Variants in PLPPR3 observed in about 807,000 individuals in gnomAD.
The protein encoded by PLPPR3 is phospholipid phosphatase-related protein type 3.
PLPPR3 carries 14 observed loss-of-function variants against 27.3 expected under a neutral mutation model. That is an observed-to-expected ratio of 0.51 (90% confidence interval 0.34 to 0.80). The LOEUF (loss-of-function observed/expected upper bound fraction) is 0.80. Ranked by LOEUF, PLPPR3 falls within the 30% of genes least tolerant of loss-of-function variation. The probability of loss-of-function intolerance (pLI) is 0.01; values close to 1 mark genes in which losing one functional copy is unlikely to be tolerated. For missense variants in PLPPR3, 1,287 were observed against 1,056.9 expected, an observed-to-expected ratio of 1.22 and a Z score of -3.02; for synonymous variants, 671 against 508.0, an observed-to-expected ratio of 1.32 and a Z score of -4.32.
In PLPPR3 at chr19:813,448, C is replaced by T. The variant is rs1238675151; in HGVS notation, c.1279G>A (p.Ala427Thr). ...EGRGLGLPDD[A>T]SPGHLRAPAE... ...GGCGCGCGCAGGTGCCCGGGGCTGGCGTCGTCGGGCAGCCCCAGGCCGCGG... is the reference window on the plus strand; with the variant it reads ...GGCGCGCGCAGGTGCCCGGGGCTGGTGTCGTCGGGCAGCCCCAGGCCGCGG... Residue 427 changes from alanine (A) to threonine (T), a missense_variant, in exon 8 of 8, where the codon GCC (alanine) becomes ACC (threonine). Physicochemically the swap from Ala to Thr is moderately conservative, Grantham distance 58. Coordinates refer to ENST00000520876, the MANE Select transcript of PLPPR3 (RefSeq NM_001270366.2). The surrounding 1 kb of genome is among the most constrained non-coding windows in gnomAD (Gnocchi z 4.1). 3 of 1,527,244 alleles carry T rather than the reference C, an allele frequency of 2.0e-6. No homozygotes were observed. The highest frequency in any genetic ancestry group is 5.0e-5 in the East Asian group (2 of 40,236). 94.6% of individuals were successfully genotyped at this position (1,527,244 alleles called of 1,614,324 possible).
At position 816,133 on chromosome 19, in the gene PLPPR3, C is replaced by T. The variant is rs1293993164; in HGVS notation, c.76-282G>A. Reference sequence around the variant, plus strand: ...ACCGACCCATCACCCACCCATCCATCCACTGGGAACCATCCATCCATTCAT... The same window carrying T: ...ACCGACCCATCACCCACCCATCCATTCACTGGGAACCATCCATCCATTCAT... On this transcript the variant is annotated intron_variant, in intron 2 of 7. Coordinates refer to ENST00000520876, the MANE Select transcript of PLPPR3 (RefSeq NM_001270366.2). Among the ~76,000 whole-genome samples the T allele has an allele frequency of 2.6e-5, 4 of 152,042 alleles. No homozygotes were observed. The South Asian group carries it at 6.2e-4, about 24-fold the overall frequency.
chr19:821,607 T>C (rs542973455), intron 1 of PLPPR3, 22 bp from the exon 2 acceptor site: 1 of 1,269,712 alleles, frequency 7.9e-7, no homozygotes, highest in Non-Finnish European at 1.0e-6. Flanking sequence ...AAAGCGGCGC[T>C]GGAGGGGGGC....
chr19:820,833 A>G (rs749376423), intron 2 of PLPPR3, among the ~76,000 whole-genome samples: 29 of 148,936 alleles, frequency 1.9e-4, no homozygotes, highest in Non-Finnish European at 4.3e-4. Flanking sequence ...TAATTTTTGT[A>G]TTTTTAATGG....
chr19:821,859 G>C (rs1197188304), intron 1 of PLPPR3, 56 bp downstream of exon 1: 1 of 281,452 alleles, frequency 3.6e-6, no homozygotes, highest in South Asian at 1.4e-4. Flanking sequence ...GGGAGAACTG[G>C]GGTTCCGGGC....
At position 815,175 on chromosome 19, in the gene PLPPR3, C is replaced by A; in HGVS notation, c.403+11G>T. The A allele has an allele frequency of 6.2e-7, 1 of 1,602,816 alleles. No homozygotes were observed. The highest frequency in any genetic ancestry group is 8.5e-7 in the Non-Finnish European group (1 of 1,178,850). ...AGGTAGCTCAGGGTCGGGGCGCGTC[C>A]CGCAACTCACCCACAAACCGCACCG... On this transcript the variant is annotated intron_variant, in intron 4 of 7. Transcript: ENST00000520876.
chr19:823,454 A>AC (rs1568289365), upstream of PLPPR3, among the ~76,000 whole-genome samples: 41 of 150,370 alleles, frequency 2.7e-4, no homozygotes, highest in Middle Eastern at 3.4e-3. Context: ...AAAAAAAAAA[A>AC]AAAACAAACA....
rs1351659318 is a variant in PLPPR3, at chr19:812,970, T to C, written c.1757A>G (p.His586Arg). 2.0e-6 allele frequency: 3 copies of C among 1,483,486 alleles called. No homozygotes were observed. The highest frequency in any genetic ancestry group is 2.9e-5 in the East Asian group (1 of 34,094). The allele number at this position is 1,483,486 out of a possible 1,614,324, so 91.9% of individuals were successfully genotyped here. A position where few individuals can be genotyped will look rare whatever the true frequency, so the allele number is the denominator to read the frequency against. Reference sequence around the variant, plus strand: ...GTGCACCACGGGGTGGTGCGGCGCGTGCGCGTCGATGGTCACGATGCTGGC... The same window carrying C: ...GTGCACCACGGGGTGGTGCGGCGCGCGCGCGTCGATGGTCACGATGCTGGC... ...DSASIVTIDAHAPHHPVVHLS... is the reference protein window; with the variant it reads ...DSASIVTIDARAPHHPVVHLS... The change falls in exon 8 of 8, where the codon CAC becomes CGC. Residue 586 changes from histidine to arginine, a missense_variant. His to Arg is a conservative substitution (Grantham distance 29, BLOSUM62 0). Transcript: ENST00000520876.
Position 813,143 on chromosome 19 carries a change from C to T in PLPPR3, c.1584G>A (p.Ala528=), listed in dbSNP as rs1167454322. The change falls in exon 8 of 8, where the codon GCG becomes GCA. Residue 528 remains alanine, a synonymous_variant. Coordinates refer to ENST00000520876, the MANE Select transcript of PLPPR3 (RefSeq NM_001270366.2). The surrounding 1 kb of genome is among the most constrained non-coding windows in gnomAD (Gnocchi z 4.1). The stretch of plus-strand genomic sequence containing the variant: ...GCAGCCGCGGAGGGTTGGCCACTGC[C>T]GCCCCGCTCTTCTCGGCCATCATGA... ...KWLMMAEKSG[A]AVANPPRLLQ... is the part of the protein sequence containing the mutation. 1 of 1,520,168 alleles carries T rather than the reference C, an allele frequency of 6.6e-7. No homozygotes were observed. Among genetic ancestry groups the T allele is most frequent in the Admixed American group, 2.0e-5 (1 of 48,906 alleles). 94.2% of individuals were successfully genotyped at this position (1,520,168 alleles called of 1,614,324 possible). A position where few individuals can be genotyped will look rare whatever the true frequency, so the allele number is the denominator to read the frequency against.
rs971309636 is a variant in PLPPR3 at position 813,339 on chromosome 19, G to A, written c.1388C>T (p.Pro463Leu). 7 of 1,472,812 alleles carry A rather than the reference G, an allele frequency of 4.8e-6. No homozygotes were observed. The highest frequency in any genetic ancestry group is 6.2e-6 in the Non-Finnish European group (7 of 1,121,380). 91.2% of individuals were successfully genotyped at this position (1,472,812 alleles called of 1,614,324 possible). A position where few individuals can be genotyped will look rare whatever the true frequency, so the allele number is the denominator to read the frequency against. Residue 463 changes from proline to leucine, a missense_variant, in exon 8 of 8, where the codon CCG (proline) becomes CTG (leucine). By Grantham distance (98) the Pro-to-Leu change is moderately conservative. Transcript: ENST00000520876. The surrounding 1 kb of genome is among the most constrained non-coding windows in gnomAD (Gnocchi z 4.1). ...EEEEEEEDEG[P>L]APPSLYPTVQ... ...GGTGGGGTAGAGCGAGGGCGGGGCCGGGCCCTCGTCCTCCTCCTCTTCCTC... is the reference window on the plus strand; with the variant it reads ...GGTGGGGTAGAGCGAGGGCGGGGCCAGGCCCTCGTCCTCCTCCTCTTCCTC...
At position 813,862 on chromosome 19, in the gene PLPPR3, G is replaced by A. The variant is rs916855339; in HGVS notation, c.865C>T (p.Pro289Ser). Reference sequence around the variant, plus strand: ...GCCGGGGCCGCGGGCTTCTCTGCAGGTGGGGCCTGGAAGTTGCCCACCGCG... The same window carrying A: ...GCCGGGGCCGCGGGCTTCTCTGCAGATGGGGCCTGGAAGTTGCCCACCGCG... The part of the protein sequence containing the change: ...CHAVGNFQAP[P>S]AEKPAAPAPA... Residue 289 changes from proline (P) to serine (S), a missense_variant, in exon 8 of 8, where the codon CCT (proline) becomes TCT (serine). Transcript: ENST00000520876. The surrounding 1 kb of genome is among the most constrained non-coding windows in gnomAD (Gnocchi z 4.1). 6.9e-7 allele frequency: 1 copy of A among 1,453,278 alleles called. No homozygotes were observed. Among genetic ancestry groups the A allele is most frequent in the African/African-American group, 1.5e-5 (1 of 68,690 alleles). The allele number at this position is 1,453,278 out of a possible 1,614,324, so 90.0% of individuals were successfully genotyped here.
In PLPPR3 at chr19:821,529, G is replaced by A; in HGVS notation, c.31C>T (p.Pro11Ser). Residue 11 changes from proline (P) to serine (S), a missense_variant, in exon 2 of 8, where the codon CCG (proline) becomes TCG (serine). Transcript: ENST00000520876. The part of the protein sequence containing the change: MISTKEKNKI[P>S]KDSMTLLPCF... Reference sequence around the variant, plus strand: ...GGCAGAAGCGTCATGCTGTCCTTCGGGATCTTGTTCTTCTCCTTGGTGGAG... The same window carrying A: ...GGCAGAAGCGTCATGCTGTCCTTCGAGATCTTGTTCTTCTCCTTGGTGGAG... 6.6e-7 allele frequency: 1 copy of A among 1,509,906 alleles called. No individual in the cohort carries two copies. The allele number at this position is 1,509,906 out of a possible 1,614,324, so 93.5% of individuals were successfully genotyped here. A position where few individuals can be genotyped will look rare whatever the true frequency, so the allele number is the denominator to read the frequency against.
At position 819,243 on chromosome 19, in the gene PLPPR3, C is replaced by T. The variant is rs1251022828; in HGVS notation, c.75+2242G>A. Reference sequence around the variant, plus strand: ...CTGCCCGTCCCGGCCTCCCAAAGTGCTGGGATGACAGGCGTGAGCCACTGC... The same window carrying T: ...CTGCCCGTCCCGGCCTCCCAAAGTGTTGGGATGACAGGCGTGAGCCACTGC... On this transcript the variant is annotated intron_variant, in intron 2 of 7. Transcript: ENST00000520876. Among the ~76,000 whole-genome samples, 2 of 100,726 alleles carry T rather than the reference C, an allele frequency of 2.0e-5. 1 individual carries two copies. The highest frequency in any genetic ancestry group is 9.9e-5 in the African/African-American group (2 of 20,300). 66.1% of individuals were successfully genotyped at this position (100,726 alleles called of 152,430 possible).
rs2034945291 is a variant in PLPPR3, at chr19:812,615, G to C, written c.2112C>G (p.Ala704=). 3 of 1,107,114 alleles carry C rather than the reference G, an allele frequency of 2.7e-6. No homozygotes were observed. The highest frequency in any genetic ancestry group is 1.1e-6 in the Non-Finnish European group (1 of 900,336). 68.6% of individuals were successfully genotyped at this position (1,107,114 alleles called of 1,614,324 possible). Residue 704 remains alanine (A), a synonymous_variant, in exon 8 of 8, where the codon GCC becomes GCG. Coordinates refer to ENST00000520876, the MANE Select transcript of PLPPR3 (RefSeq NM_001270366.2). ...GLAEREAEAE[A]EGYFRKMQAR... is the part of the protein sequence containing the mutation. The stretch of plus-strand genomic sequence containing the variant: ...CCTGCATCTTGCGGAAGTAGCCCTC[G>C]GCCTCCGCCTCCGCCTCGCGCTCCG...
chr19:813,904 G>A lies in PLPPR3; in HGVS notation c.832-9C>T, dbSNP rs1195503037. Reference sequence around the variant, plus strand: ...CCCACCGCGTGGCAGGCCTGTCGGGGAGAGGGGTCTGGGGGTGAGGCCTGG... The same window carrying A: ...CCCACCGCGTGGCAGGCCTGTCGGGAAGAGGGGTCTGGGGGTGAGGCCTGG... On this transcript the variant is annotated splice_polypyrimidine_tract_variant and intron_variant, in intron 7 of 7. Transcript: ENST00000520876. The surrounding 1 kb of genome is among the most constrained non-coding windows in gnomAD (Gnocchi z 4.1). The A allele has an allele frequency of 7.0e-6, 10 of 1,429,170 alleles. No homozygotes were observed. Among genetic ancestry groups the A allele is most frequent in the Non-Finnish European group, 9.1e-6 (10 of 1,098,562 alleles). The allele number at this position is 1,429,170 out of a possible 1,614,324, so 88.5% of individuals were successfully genotyped here.
chr19:823,185 T>C (rs972575818), upstream of PLPPR3, among the ~76,000 whole-genome samples: 1 of 151,724 alleles, frequency 6.6e-6, no homozygotes, highest in Admixed American at 6.6e-5. Context: ...CTCAGGCCTA[T>C]AATCCCAGCA....
chr19:812,948 C>G lies in PLPPR3; in HGVS notation c.1779G>C (p.Val593=). 7.1e-7 allele frequency: 1 copy of G among 1,401,732 alleles called. No individual in the cohort carries two copies. The highest frequency in any genetic ancestry group is 9.3e-7 in the Non-Finnish European group (1 of 1,080,670). The allele number at this position is 1,401,732 out of a possible 1,614,324, so 86.8% of individuals were successfully genotyped here. The stretch of plus-strand genomic sequence containing the variant: ...AGGGCGCGCCGCCGGCCGACAGGTG[C>G]ACCACGGGGTGGTGCGGCGCGTGCG... The part of the protein sequence containing the change: ...IDAHAPHHPV[V]HLSAGGAPWE... Residue 593 remains valine (V), a synonymous_variant, in exon 8 of 8, where the codon GTG becomes GTC. Transcript: ENST00000520876.
chr19:822,515 C>T (rs949886646), upstream of PLPPR3, among the ~76,000 whole-genome samples: 4 of 152,128 alleles, frequency 2.6e-5, no homozygotes, highest in South Asian at 2.1e-4. Flanking sequence ...GTGCCTCCCT[C>T]CCTTCCCCCC....
rs1233430139 is a variant in PLPPR3 at position 813,353 on chromosome 19, C to T, written c.1374G>A (p.Glu458=). 5 of 1,481,496 alleles carry T rather than the reference C, an allele frequency of 3.4e-6. No individual in the cohort carries two copies. The East Asian group carries it at 1.3e-4, about 38-fold the overall frequency. The allele number at this position is 1,481,496 out of a possible 1,614,324, so 91.8% of individuals were successfully genotyped here. A position where few individuals can be genotyped will look rare whatever the true frequency, so the allele number is the denominator to read the frequency against. Residue 458 remains glutamate, a synonymous_variant, in exon 8 of 8, where the codon GAG becomes GAA. Transcript: ENST00000520876. This position sits in a 1 kb window ranked among gnomAD's most constrained non-coding sequence, Gnocchi z 4.1. ...AGGGCGGGGCCGGGCCCTCGTCCTCCTCCTCTTCCTCCTCCTCCTCTTCCT... is the reference window on the plus strand; with the variant it reads ...AGGGCGGGGCCGGGCCCTCGTCCTCTTCCTCTTCCTCCTCCTCCTCTTCCT... ...DEEEEEEEEE[E]EDEGPAPPSL...
Position 813,188 on chromosome 19 carries a change from G to A in PLPPR3, c.1539C>T (p.Ala513=). ...TCATGAGCCACTTGGCGCGCACCCCGGCGCCGCTTTTGGGGGACAGGCCGG... is the reference window on the plus strand; with the variant it reads ...TCATGAGCCACTTGGCGCGCACCCCAGCGCCGCTTTTGGGGGACAGGCCGG... ...TGAGLSPKSG[A]GVRAKWLMMA... The change falls in exon 8 of 8, where the codon GCC becomes GCT. Residue 513 remains alanine, a synonymous_variant. Transcript: ENST00000520876. The surrounding 1 kb of genome is among the most constrained non-coding windows in gnomAD (Gnocchi z 4.1). 2 of 1,511,116 alleles carry A rather than the reference G, an allele frequency of 1.3e-6. No homozygotes were observed. The highest frequency in any genetic ancestry group is 1.8e-6 in the Non-Finnish European group (2 of 1,141,234). 93.6% of individuals were successfully genotyped at this position (1,511,116 alleles called of 1,614,324 possible). A position where few individuals can be genotyped will look rare whatever the true frequency, so the allele number is the denominator to read the frequency against.
Sources: gnomAD v4.1 joint callset for allele counts (sites outside exome capture counted in the v4.1 genomes callset) on GRCh38, gnomAD v4.1.1 for gene constraint, Gnocchi (gnomAD v3.1) non-coding constraint, MANE v1.5 for transcripts, NCBI Gene and HGNC (gene_info 2026-07-23, HGNC 2026-07-21) for gene names.